The following APPBP2 variants were observed in gnomAD, a reference collection of about 807,000 sequenced individuals.
APPBP2 encodes amyloid protein-binding protein 2.
Under a neutral mutation model 76.0 loss-of-function variants are expected in APPBP2, and 15 were observed. That is an observed-to-expected ratio of 0.20 (90% CI 0.13 to 0.30). The LOEUF is 0.30. Among genes scored for constraint, APPBP2 ranks in the 10% least tolerant of loss-of-function variants. APPBP2 has a pLI of 1.00. For synonymous variants in APPBP2, 222 were observed against 242.2 expected (o/e 0.92, Z 0.77); for missense variants, 401 against 687.2 (o/e 0.58, Z 4.66).
chr17:60,452,069 A>G lies in APPBP2; in HGVS notation c.1339-24T>C, dbSNP rs750877479. The G allele has an allele frequency of 3.1e-6, 5 of 1,607,762 alleles. 1 individual carries two copies. In the South Asian group the frequency reaches 4.4e-5, roughly 14 times the overall value. On this transcript the variant is annotated intron_variant, in intron 11 of 12. Coordinates refer to ENST00000083182, the MANE Select transcript of APPBP2 (RefSeq NM_006380.5). ...TCCTGAAAAACAATTATGCCATATC[A>G]ATCATTATACTTTTTCTCATCTTAA...
At chr17:60,491,737 C>G (rs530356960) in intron 3 of APPBP2, among the ~76,000 whole-genome samples, 24 of 152,118 alleles carry the variant, frequency 1.6e-4, no homozygotes, top group African/African-American at 5.3e-4. Flanking sequence ...TGAGCTACTG[C>G]ACCCAGTCAG....
At chr17:60,451,498 G>C (rs1412981723) in intron 12 of APPBP2, among the ~76,000 whole-genome samples, 1 of 151,504 alleles carries the variant, frequency 6.6e-6, no homozygotes, top group Non-Finnish European at 1.5e-5. Flanking sequence ...TTTTGAGATG[G>C]AGTCTCGTTC....
At chr17:60,462,108 G>A (rs756766404) in intron 6 of APPBP2, 47 bp from the exon 7 acceptor site, 1 of 1,415,026 alleles carries the variant, frequency 7.1e-7, no homozygotes, top group South Asian at 1.2e-5. Context: ...GTTCATTAGT[G>A]TGCTAAAATA....
intron 3 of APPBP2, 148 bp from the exon 4 acceptor site, chr17:60,479,419 G>A (rs1288709806): frequency 2.4e-6 from 2 of 821,458 alleles, no homozygotes; most frequent in Non-Finnish European, 3.6e-6. Flanking sequence ...TATGAACTGT[G>A]AGATTTTTAT....
chr17:60,500,254 A>G (rs967024396), intron 2 of APPBP2, 145 bp downstream of exon 2: 2 of 559,322 alleles, frequency 3.6e-6, no homozygotes, highest in African/African-American at 3.9e-5. Context: ...TGATCTGCCC[A>G]CCTCAGCCTC....
intron 3 of APPBP2, among the ~76,000 whole-genome samples, chr17:60,482,595 C>A (rs1174130127): frequency 6.6e-6 from 1 of 152,156 alleles, no homozygotes; most frequent in African/African-American, 2.4e-5. Flanking sequence ...GACCGCCACC[C>A]CACAACAGGC....
At chr17:60,460,898 GA>G in intron 8 of APPBP2, 111 bp from the exon 9 acceptor site, 1 of 1,100,908 alleles carries the variant, frequency 9.1e-7, no homozygotes. Flanking sequence ...ATAAAATTTT[GA>G]AGCCCAGAAA....
At position 60,485,658 on chromosome 17, in the gene APPBP2, T is replaced by A. The variant is rs149835482; in HGVS notation, c.380-6387A>T. 5.4e-3 allele frequency among the ~76,000 whole-genome samples: 829 copies of A among 152,302 alleles called. 12 individuals are homozygous for A. The highest frequency in any genetic ancestry group is 0.019 in the African/African-American group (804 of 41,570). On this transcript the variant is annotated intron_variant, in intron 3 of 12. Coordinates refer to ENST00000083182, the MANE Select transcript of APPBP2 (RefSeq NM_006380.5). ...TCTTTTCAAAAACCCAGCTCCTGGA[T>A]TCACTGATTTTTTTGAAGGGTTTTT...
chr17:60,447,531 T>C lies in APPBP2; in HGVS notation c.*50A>G, dbSNP rs376236902. The C allele has an allele frequency of 5.5e-5, 86 of 1,550,284 alleles. No individual in the cohort carries two copies. In the African/African-American group the frequency reaches 1.0e-3, roughly 18 times the overall value. The stretch of plus-strand genomic sequence containing the variant: ...ACAACATGGTTTTGATTTCACAGTA[T>C]GAATTCCCTGGAATCCGGGAAAAGG... On this transcript the variant is annotated 3_prime_UTR_variant, in exon 13 of 13. Coordinates refer to ENST00000083182, the MANE Select transcript of APPBP2 (RefSeq NM_006380.5).
At chr17:60,489,479 C>T (rs556401450) in intron 3 of APPBP2, among the ~76,000 whole-genome samples, 29 of 151,748 alleles carry the variant, frequency 1.9e-4, no homozygotes, top group African/African-American at 5.6e-4. Flanking sequence ...AGTGTGGTGG[C>T]GCATGCCTGT....
Position 60,494,466 on chromosome 17 carries a change from C to T in APPBP2, c.379G>A (p.Gly127Ser). The T allele has an allele frequency of 6.2e-7, 1 of 1,605,916 alleles. No homozygotes were observed. The highest frequency in any genetic ancestry group is 8.5e-7 in the Non-Finnish European group (1 of 1,178,370). The change falls in exon 3 of 13, where the codon GGT (glycine) becomes AGT (serine). Residue 127 changes from glycine (G) to serine (S), a missense_variant and splice_region_variant. Coordinates refer to ENST00000083182, the MANE Select transcript of APPBP2 (RefSeq NM_006380.5). ...EKAIQVGFVLGGFLSDAGWYS... is the reference protein window; with the variant it reads ...EKAIQVGFVLSGFLSDAGWYS... ...ATACTTCTGTTCCACCATTACTTAC[C>T]TAAAACAAAGCCAACCTGAATGGCT... is the stretch of plus-strand genomic sequence containing the variant.
At position 60,452,062 on chromosome 17, in the gene APPBP2, C is replaced by T. The variant is rs762270239; in HGVS notation, c.1339-17G>A. Reference sequence around the variant, plus strand: ...TTCAGCTTCCTGAAAAACAATTATGCCATATCAATCATTATACTTTTTCTC... The same window carrying T: ...TTCAGCTTCCTGAAAAACAATTATGTCATATCAATCATTATACTTTTTCTC... On this transcript the variant is annotated splice_polypyrimidine_tract_variant and intron_variant, in intron 11 of 12. Coordinates refer to ENST00000083182, the MANE Select transcript of APPBP2 (RefSeq NM_006380.5). 1 of 1,608,454 alleles carries T rather than the reference C, an allele frequency of 6.2e-7. No individual in the cohort carries two copies. The highest frequency in any genetic ancestry group is 8.5e-7 in the Non-Finnish European group (1 of 1,178,262).
chr17:60,485,242 CCTCT>C (rs1180820285), intron 3 of APPBP2, among the ~76,000 whole-genome samples: 1 of 151,724 alleles, frequency 6.6e-6, no homozygotes, highest in Non-Finnish European at 1.5e-5. Flanking sequence ...GGGAGAGTTC[CCTCT>C]CTATTGATTG....
chr17:60,478,368 A>C (rs927954150), intron 4 of APPBP2, among the ~76,000 whole-genome samples: 14 of 152,212 alleles, frequency 9.2e-5, no homozygotes, highest in African/African-American at 3.4e-4. Flanking sequence ...GATTTGCTTG[A>C]CTTTAAGGAA....
chr17:60,479,077 A>G (rs144917002), intron 4 of APPBP2, 71 bp downstream of exon 4: 19 of 1,464,834 alleles, frequency 1.3e-5, no homozygotes, highest in Admixed American at 6.5e-5. Flanking sequence ...GCATATACTT[A>G]TAAGAGCTAA....
In APPBP2 at chr17:60,489,135, T is replaced by C. The variant is rs377744642; in HGVS notation, c.379+5331A>G. On this transcript the variant is annotated intron_variant, in intron 3 of 12. Coordinates refer to ENST00000083182, the MANE Select transcript of APPBP2 (RefSeq NM_006380.5). ...TACTCGGGAGGCTGAGGCAGGAGAA[T>C]GGCTTGAACCCGGGAGGAGGAGGTT... 1.6e-3 allele frequency among the ~76,000 whole-genome samples: 241 copies of C among 152,050 alleles called. 1 individual carries two copies. Among genetic ancestry groups the C allele is most frequent in the African/African-American group, 5.0e-3 (207 of 41,482 alleles).
intron 10 of APPBP2, among the ~76,000 whole-genome samples, chr17:60,455,511 G>A (rs368498026): frequency 8.5e-5 from 13 of 152,184 alleles, no homozygotes; most frequent in East Asian, 3.8e-4. Context: ...AATGCATTAC[G>A]TGAAAAAGCC....
chr17:60,455,471 C>T (rs2090424435), intron 10 of APPBP2, among the ~76,000 whole-genome samples: 1 of 152,204 alleles, frequency 6.6e-6, no homozygotes, highest in African/African-American at 2.4e-5. Context: ...GGAAATAACA[C>T]ATAGGTGACC....
intron 1 of APPBP2, among the ~76,000 whole-genome samples, chr17:60,524,824 G>C (rs1265286170): frequency 6.6e-6 from 1 of 152,128 alleles, no homozygotes; most frequent in Non-Finnish European, 1.5e-5. Context: ...ATTTTGCATG[G>C]GTGGCTACTG....
Sources: allele counts gnomAD v4.1 joint callset (sites outside exome capture counted in the v4.1 genomes callset), GRCh38; gene constraint gnomAD v4.1.1; transcripts MANE v1.5; gene names NCBI Gene and HGNC (gene_info 2026-07-23, HGNC 2026-07-21).